The following EGFR variants were observed in gnomAD, a reference collection of about 807,000 sequenced individuals.
The protein encoded by EGFR is avian erythroblastic leukemia viral (v-erb-b) oncogene homolog.
A neutral mutation model predicts 143.0 loss-of-function variants in EGFR; 58 were observed. That is an observed-to-expected ratio of 0.41 (90% confidence interval 0.33 to 0.50). The LOEUF (loss-of-function observed/expected upper bound fraction) is 0.50. Ranked by LOEUF, EGFR falls within the 20% of genes least tolerant of loss-of-function variation. The probability of loss-of-function intolerance (pLI) is 0.39; values close to 1 mark genes in which losing one functional copy is unlikely to be tolerated. For synonymous variants in EGFR, 613 were observed against 594.4 expected (o/e 1.03, Z -0.45); for missense variants, 1,307 against 1,579.0 (o/e 0.83, Z 2.92).
At chr7:55,117,617 T>A (rs1194583433) in intron 1 of EGFR, among the ~76,000 whole-genome samples, 2 of 152,136 alleles carry the variant, frequency 1.3e-5, no homozygotes, top group African/African-American at 4.8e-5. Flanking sequence ...TAAAAAATAA[T>A]CCCAAAGCAG....
chr7:55,024,699 G>A (rs1470756351), intron 1 of EGFR, among the ~76,000 whole-genome samples: 1 of 152,006 alleles, frequency 6.6e-6, no homozygotes, highest in African/African-American at 2.4e-5. Context: ...TTTTCTTTAT[G>A]TTTGAGCCAT....
chr7:55,071,760 T>C (rs916737466), intron 1 of EGFR, among the ~76,000 whole-genome samples: 1 of 152,266 alleles, frequency 6.6e-6, no homozygotes, highest in Non-Finnish European at 1.5e-5. Flanking sequence ...AATCACATGG[T>C]TCTCTCCAAA....
At chr7:55,042,992 T>A (rs768111676) in intron 1 of EGFR, among the ~76,000 whole-genome samples, 4 of 152,144 alleles carry the variant, frequency 2.6e-5, no homozygotes, top group Non-Finnish European at 5.9e-5. Context: ...AGCACAGCCC[T>A]CTATAAGTAT....
intron 1 of EGFR, among the ~76,000 whole-genome samples, chr7:55,058,543 T>C (rs1365339368): frequency 6.6e-6 from 1 of 152,102 alleles, no homozygotes; most frequent in Non-Finnish European, 1.5e-5. Context: ...AAGAACAAGA[T>C]CATGTCCTTT....
At chr7:55,155,436 C>A (rs2128936814) in intron 7 of EGFR, among the ~76,000 whole-genome samples, 1 of 152,266 alleles carries the variant, frequency 6.6e-6, no homozygotes, top group African/African-American at 2.4e-5. Flanking sequence ...AGCAAGACTC[C>A]ATCTCAGACA....
rs116129978 is a variant in EGFR at position 55,194,001 on chromosome 7, G to A, written c.2701+1160G>A. Among the ~76,000 whole-genome samples, 982 of 152,266 alleles carry A rather than the reference G, an allele frequency of 6.4e-3. 12 individuals carry two copies. The highest frequency in any genetic ancestry group is 0.023 in the African/African-American group (946 of 41,560). Reference sequence around the variant, plus strand: ...CTGAGCCACCTCAATTAATGGAACAGATAAGGAAATAAAGGTCTGCTGATG... The same window carrying A: ...CTGAGCCACCTCAATTAATGGAACAAATAAGGAAATAAAGGTCTGCTGATG... On this transcript the variant is annotated intron_variant, in intron 22 of 27. Transcript: ENST00000275493.
chr7:55,063,477 G>A (rs563525871), intron 1 of EGFR, among the ~76,000 whole-genome samples: 5 of 152,136 alleles, frequency 3.3e-5, no homozygotes, highest in Non-Finnish European at 5.9e-5. Context: ...GTGTATGGGA[G>A]GAAATATAAT....
In EGFR at chr7:55,171,174, G is replaced by C. The variant is rs2128951346; in HGVS notation, c.1881-1G>C. 6.2e-7 allele frequency: 1 copy of C among 1,614,224 alleles called. No individual in the cohort carries two copies. The highest frequency in any genetic ancestry group is 1.1e-5 in the South Asian group (1 of 91,082). On this transcript the variant is annotated splice_acceptor_variant, in intron 15 of 27. Coordinates refer to ENST00000275493, the MANE Select transcript of EGFR (RefSeq NM_005228.5). LOFTEE classifies it high-confidence loss of function. ...GTATATTTCTCTTTCACTTCCTACA[G>C]ATGCACTGGGCCAGGTCTTGAAGGC...
At chr7:55,045,628 C>A (rs910101793) in intron 1 of EGFR, among the ~76,000 whole-genome samples, 1 of 152,228 alleles carries the variant, frequency 6.6e-6, no homozygotes, top group Non-Finnish European at 1.5e-5. Flanking sequence ...ACCTCAATCT[C>A]TTTGTGCCTC....
intron 1 of EGFR, among the ~76,000 whole-genome samples, chr7:55,076,764 C>G (rs1199100964): frequency 6.6e-6 from 1 of 152,186 alleles, no homozygotes; most frequent in Non-Finnish European, 1.5e-5. Context: ...CTGAAGAGTT[C>G]TTCGTATGTC....
At chr7:55,052,845 C>A (rs1475801795) in intron 1 of EGFR, among the ~76,000 whole-genome samples, 2 of 152,268 alleles carry the variant, frequency 1.3e-5, no homozygotes, top group African/African-American at 4.8e-5. Flanking sequence ...AGGAGCCGTT[C>A]TGAAAAAGAA....
chr7:55,122,646 C>CAA (rs1793278556), intron 1 of EGFR, among the ~76,000 whole-genome samples: 1 of 152,236 alleles, frequency 6.6e-6, no homozygotes, highest in Non-Finnish European at 1.5e-5. Context: ...GTTCCCTTTG[C>CAA]CCTTTCTCCC....
At chr7:55,198,154 A>G (rs796170319) in intron 22 of EGFR, among the ~76,000 whole-genome samples, 2 of 152,264 alleles carry the variant, frequency 1.3e-5, no homozygotes, top group African/African-American at 4.8e-5. Flanking sequence ...TTGGTAGGCT[A>G]TTTATTACTG....
At position 55,174,784 on chromosome 7, in the gene EGFR, A is replaced by C. The variant is rs1786523816; in HGVS notation, c.2247A>C (p.Glu749Asp). The change falls in exon 19 of 28, where the codon GAA becomes GAC. Residue 749 changes from glutamate to aspartate, a missense_variant. Around this residue, in one of 7 missense-constraint regions of EGFR, gnomAD observed 348 missense variants for 451.5 expected, o/e 0.77. Transcript: ENST00000275493. ...KIPVAIKELREATSPKANKEI... is the reference protein window; with the variant it reads ...KIPVAIKELRDATSPKANKEI... ...CCGTCGCTATCAAGGAATTAAGAGA[A>C]GCAACATCTCCGAAAGCCAACAAGG... The C allele has an allele frequency of 6.2e-7, 1 of 1,614,136 alleles. No homozygotes were observed. Among genetic ancestry groups the C allele is most frequent in the Non-Finnish European group, 8.5e-7 (1 of 1,179,970 alleles).
rs1794780488 is a variant in EGFR, at chr7:55,146,685, C to T, written c.504C>T (p.Val168=). ...NVESIQWRDI[V]SSDFLSNMSM... is the part of the protein sequence containing the mutation. ...AGAGCATCCAGTGGCGGGACATAGT[C>T]AGCAGTGACTTTCTCAGCAACATGT... The change falls in exon 4 of 28, where the codon GTC becomes GTT. Residue 168 remains valine, a synonymous_variant. Transcript: ENST00000275493. 6.2e-7 allele frequency: 1 copy of T among 1,614,082 alleles called. No individual in the cohort carries two copies. Among genetic ancestry groups the T allele is most frequent in the East Asian group, 2.2e-5 (1 of 44,858 alleles).
intron 1 of EGFR, among the ~76,000 whole-genome samples, chr7:55,111,707 T>G (rs759159): frequency 0.56 from 85,608 of 151,860 alleles, 25,829 homozygotes; most frequent in East Asian, 0.99. Flanking sequence ...TGAGGAGTGT[T>G]TGGATGTTAT....
chr7:55,158,333 T>C (rs571904939), intron 11 of EGFR, among the ~76,000 whole-genome samples: 2 of 152,312 alleles, frequency 1.3e-5, no homozygotes, highest in African/African-American at 2.4e-5. Context: ...GAGGAGGAGA[T>C]GGGAATCTCT....
rs145830434 is a variant in EGFR, at chr7:55,170,401, G to A, written c.1881-774G>A. 46 of 1,614,008 alleles carry A rather than the reference G, an allele frequency of 2.9e-5. 1 individual carries two copies. Among genetic ancestry groups the A allele is most frequent in the South Asian group, 2.2e-4 (20 of 91,080 alleles). On this transcript the variant is annotated intron_variant, in intron 15 of 27. Transcript: ENST00000275493. ...TGATGGCAGCGTGTCCCACCAGAGC[G>A]GGAGCCCAGCTGCTCAGGAGTCATG...
rs987532315 is a variant in EGFR, at chr7:55,201,782, G to A, written c.3162G>A (p.Gly1054=). 2 of 1,614,106 alleles carry A rather than the reference G, an allele frequency of 1.2e-6. No homozygotes were observed. Among genetic ancestry groups the A allele is most frequent in the African/African-American group, 2.7e-5 (2 of 75,012 alleles). Residue 1054 remains glycine, a splice_region_variant and synonymous_variant, in exon 26 of 28, where the codon GGG becomes GGA. Transcript: ENST00000275493. ...NSTVACIDRN[G]LQSCPIKEDS... ...CCGTGGCTTGCATTGATAGAAATGG[G>A]GTATGTATGAACACCTTATAAGCCA...
Sources: gnomAD v4.1 joint callset for allele counts (sites outside exome capture counted in the v4.1 genomes callset) on GRCh38, gnomAD v4.1.1 for gene constraint, gnomAD v4.1.1 regional missense constraint, MANE v1.5 for transcripts, NCBI Gene and HGNC (gene_info 2026-07-23, HGNC 2026-07-21) for gene names.